KLF12: variants seen among roughly 807,000 people sequenced by gnomAD.
The protein encoded by KLF12 is Krueppel-like factor 12.
A neutral mutation model predicts 37.8 loss-of-function variants in KLF12; 9 were observed. The observed-to-expected ratio is 0.24, with a 90% CI of 0.14 to 0.42. The LOEUF (loss-of-function observed/expected upper bound fraction) is 0.42, where lower values mean the gene tolerates loss of function less well. KLF12 is among the 10% of genes least tolerant of loss of function. The pLI, the probability that KLF12 is intolerant of heterozygous loss-of-function variation, is 1.00. For missense variants in KLF12, 411 were observed against 516.0 expected (o/e 0.80, Z 1.97); for synonymous variants, 208 against 202.1 (o/e 1.03, Z -0.25).
intron 1 of KLF12, among the ~76,000 whole-genome samples, chr13:74,000,160 C>T (rs1228458208): frequency 6.6e-6 from 1 of 152,080 alleles, no homozygotes; most frequent in African/African-American, 2.4e-5. Context: ...CTATTTCTAC[C>T]CCCCTACATT....
In KLF12 at chr13:73,813,527, T is replaced by C. The variant is rs542146744; in HGVS notation, c.671-240A>G. Among the ~76,000 whole-genome samples the C allele has an allele frequency of 2.0e-4, 30 of 152,236 alleles. No individual in the cohort carries two copies. In the South Asian group the frequency reaches 5.2e-3, roughly 26 times the overall value. On this transcript the variant is annotated intron_variant, in intron 4 of 7. Coordinates refer to ENST00000377669, the MANE Select transcript of KLF12 (RefSeq NM_007249.5). ...AGAATTTCAGGGTATGGTTATAGAA[T>C]AGAAACTACGAAATCCACAATATTA...
In KLF12 at chr13:73,694,761, C is replaced by G. The variant is rs1361470507; in HGVS notation, c.*729G>C. On this transcript the variant is annotated 3_prime_UTR_variant, in exon 8 of 8. Coordinates refer to ENST00000377669, the MANE Select transcript of KLF12 (RefSeq NM_007249.5). Reference sequence around the variant, plus strand: ...GTGCCAGTCCATGCCAGGGCAGAGACCAGGACGAGACTTCAACTGCCCCTC... The same window carrying G: ...GTGCCAGTCCATGCCAGGGCAGAGAGCAGGACGAGACTTCAACTGCCCCTC... The G allele has an allele frequency of 6.6e-6, 1 of 152,662 alleles. No individual in the cohort carries two copies. The highest frequency in any genetic ancestry group is 1.5e-5 in the Non-Finnish European group (1 of 68,062). 9.5% of individuals were successfully genotyped at this position (152,662 alleles called of 1,614,324 possible). A position where few individuals can be genotyped will look rare whatever the true frequency, so the allele number is the denominator to read the frequency against.
rs4883951 is a variant in KLF12 at position 73,812,158 on chromosome 13, A to T, written c.806+994T>A. On this transcript the variant is annotated intron_variant, in intron 5 of 7. Coordinates refer to ENST00000377669, the MANE Select transcript of KLF12 (RefSeq NM_007249.5). ...AGACACATATTGTATGACACTACTT[A>T]TATGTGGAAGATTTTTTAAAAAGTT... 6.1e-3 allele frequency among the ~76,000 whole-genome samples: 933 copies of T among 151,842 alleles called. 6 individuals are homozygous for T. Among genetic ancestry groups the T allele is most frequent in the Middle Eastern group, 0.01 (3 of 290 alleles).
rs112595618 is a variant in KLF12, at chr13:74,052,500, AC to A, written c.-31-57448del. 1.8e-4 allele frequency among the ~76,000 whole-genome samples: 28 copies of A among 152,224 alleles called. 2 individuals are homozygous for A. Among genetic ancestry groups the A allele is most frequent in the African/African-American group, 6.7e-4 (28 of 41,540 alleles). ...ACAGAAAGGAAATAACAATGAGCCAACTTATTAAAGCTGAGAATCAAGTTAC... is the reference window on the plus strand; with the variant it reads ...ACAGAAAGGAAATAACAATGAGCCAATTATTAAAGCTGAGAATCAAGTTAC... On this transcript the variant is annotated intron_variant, in intron 1 of 7. Coordinates refer to ENST00000377669, the MANE Select transcript of KLF12 (RefSeq NM_007249.5).
intron 6 of KLF12, among the ~76,000 whole-genome samples, chr13:73,721,872 G>A (rs1029187274): frequency 2.0e-5 from 3 of 152,038 alleles, no homozygotes; most frequent in African/African-American, 7.3e-5. Flanking sequence ...TCTTAAAGTT[G>A]TTATAAACTA....
intron 5 of KLF12, chr13:73,800,456 ATTGCTTCT>A: frequency 6.6e-6 from 1 of 152,094 alleles, no homozygotes. Flanking sequence ...ATTCATTTGA[ATTGCTTCT>A]ATAAGCAACA....
At chr13:73,758,986 A>C (rs1441752758) in intron 6 of KLF12, among the ~76,000 whole-genome samples, 1 of 152,180 alleles carries the variant, frequency 6.6e-6, no homozygotes, top group Non-Finnish European at 1.5e-5. Context: ...GAGGAGGTAA[A>C]GTCATTAAAG....
At chr13:73,934,837 GTATGATAAGCAAC>G (rs1353691864) in intron 3 of KLF12, among the ~76,000 whole-genome samples, 6 of 151,828 alleles carry the variant, frequency 4.0e-5, no homozygotes, top group African/African-American at 1.5e-4. Context: ...CCAATTGTAG[GTATGATAAGCAAC>G]TTGCTATTGT....
At position 74,074,433 on chromosome 13, in the gene KLF12, A is replaced by G. The variant is rs1874450348; in HGVS notation, c.-32+59306T>C. Among the ~76,000 whole-genome samples the G allele has an allele frequency of 3.3e-5, 5 of 152,072 alleles. No individual in the cohort carries two copies. The South Asian group carries it at 1.0e-3, about 32-fold the overall frequency. ...AGCCTTCTCTAACTTAAAACCCACC[A>G]AAATATCCACTTTCCCTATCATCTA... On this transcript the variant is annotated intron_variant, in intron 1 of 7. Coordinates refer to ENST00000377669, the MANE Select transcript of KLF12 (RefSeq NM_007249.5).
At chr13:73,750,271 G>A (rs1034882112) in intron 6 of KLF12, among the ~76,000 whole-genome samples, 3 of 152,166 alleles carry the variant, frequency 2.0e-5, no homozygotes, top group East Asian at 1.9e-4. Flanking sequence ...AAAGTCAGGC[G>A]GCAGAAGTTC....
chr13:74,028,751 G>A (rs781252145), intron 1 of KLF12, among the ~76,000 whole-genome samples: 1 of 152,004 alleles, frequency 6.6e-6, no homozygotes, highest in South Asian at 2.1e-4. Context: ...GTGCAGCAGA[G>A]AGTTACAATG....
chr13:74,039,061 C>T (rs367725347), intron 1 of KLF12, among the ~76,000 whole-genome samples: 2 of 134,594 alleles, frequency 1.5e-5, no homozygotes, highest in South Asian at 2.2e-4. Flanking sequence ...TAAAAGCAGA[C>T]GATTTCATTT....
At chr13:73,996,084 G>A (rs968456788) in intron 1 of KLF12, among the ~76,000 whole-genome samples, 5 of 152,176 alleles carry the variant, frequency 3.3e-5, no homozygotes, top group African/African-American at 1.2e-4. Context: ...ATGCAGCAGA[G>A]TTCACAAGCT....
chr13:73,749,345 C>A (rs376837886), intron 6 of KLF12, among the ~76,000 whole-genome samples: 1 of 152,134 alleles, frequency 6.6e-6, no homozygotes, highest in Non-Finnish European at 1.5e-5. Flanking sequence ...CATTCTAAAT[C>A]CTATTTCCAG....
chr13:74,000,829 A>G (rs1372969955), intron 1 of KLF12, among the ~76,000 whole-genome samples: 1 of 152,232 alleles, frequency 6.6e-6, no homozygotes. Flanking sequence ...AAGTAACCAT[A>G]GCAAATGAAT....
intron 6 of KLF12, among the ~76,000 whole-genome samples, chr13:73,760,009 A>G (rs2138040825): frequency 6.6e-6 from 1 of 152,300 alleles, no homozygotes; most frequent in Non-Finnish European, 1.5e-5. Flanking sequence ...AACTGCATGA[A>G]TATAAATATT....
the KLF12 span, among the ~76,000 whole-genome samples, chr13:74,269,709 T>C: frequency 2.0e-5 from 3 of 152,228 alleles, no homozygotes; most frequent in Non-Finnish European, 2.9e-5. Context: ...TCCTATGTGA[T>C]AGGAATTCTA....
chr13:73,963,337 A>G (rs1320295230), intron 2 of KLF12, among the ~76,000 whole-genome samples: 1 of 123,718 alleles, frequency 8.1e-6, no homozygotes, highest in African/African-American at 2.9e-5. Context: ...ATGCTGAAGT[A>G]TAGTACTTCA....
chr13:73,775,821 T>A (rs1880573271), intron 5 of KLF12, among the ~76,000 whole-genome samples: 1 of 152,196 alleles, frequency 6.6e-6, no homozygotes, highest in South Asian at 2.1e-4. Flanking sequence ...TCATTTAGGC[T>A]ATAAAAAGAG....
Sources: allele counts gnomAD v4.1 joint callset (sites outside exome capture counted in the v4.1 genomes callset), GRCh38; gene constraint gnomAD v4.1.1; transcripts MANE v1.5; gene names NCBI Gene and HGNC (gene_info 2026-07-23, HGNC 2026-07-21).